Variants in PLCL2 observed in about 807,000 individuals in gnomAD.
PLCL2 encodes the protein inactive phospholipase C-like protein 2.
Under a neutral mutation model 79.6 loss-of-function variants are expected in PLCL2, and 4 were observed. That is an observed-to-expected ratio of 0.05 (90% confidence interval 0.02 to 0.11). The LOEUF is 0.11. Among genes scored for constraint, PLCL2 ranks in the 10% least tolerant of loss-of-function variants. PLCL2 has a pLI of 1.00. For synonymous variants in PLCL2, 484 were observed against 457.7 expected (o/e 1.06, Z -0.73); for missense variants, 895 against 1,291.0 (o/e 0.69, Z 4.70).
intron 1 of PLCL2, among the ~76,000 whole-genome samples, chr3:16,920,240 G>C (rs1488772070): frequency 1.3e-5 from 2 of 152,092 alleles, no homozygotes; most frequent in Non-Finnish European, 2.9e-5. Flanking sequence ...TTCTGGAACA[G>C]CCTCTTTAGA....
chr3:17,089,693 T>C (rs1237654624), intron 5 of PLCL2, 40 bp from the exon 6 acceptor site: 6 of 1,162,878 alleles, frequency 5.2e-6, no homozygotes, highest in Non-Finnish European at 6.3e-6. Context: ...CACTAAGTTA[T>C]GTCATATCTA....
At chr3:17,044,536 C>T (rs977454784) in intron 4 of PLCL2, among the ~76,000 whole-genome samples, 2 of 152,094 alleles carry the variant, frequency 1.3e-5, no homozygotes, top group African/African-American at 2.4e-5. Context: ...TAATGCATTC[C>T]ATCTTGTAAA....
intron 1 of PLCL2, among the ~76,000 whole-genome samples, chr3:16,973,502 A>G (rs1286658539): frequency 6.6e-6 from 1 of 152,202 alleles, no homozygotes; most frequent in African/African-American, 2.4e-5. Context: ...TAAACTACAT[A>G]AATTGCTAGA....
At position 17,010,335 on chromosome 3, in the gene PLCL2, A is replaced by C; in HGVS notation, c.989A>C (p.Glu330Ala). 2 of 1,614,078 alleles carry C rather than the reference A, an allele frequency of 1.2e-6. No individual in the cohort carries two copies. The highest frequency in any genetic ancestry group is 1.7e-6 in the Non-Finnish European group (2 of 1,180,010). The change falls in exon 2 of 6, where the codon GAA becomes GCA. Residue 330 changes from glutamate (E) to alanine (A), a missense_variant. This residue lies in a region of PLCL2 where 93 missense variants were observed against 93.2 expected (regional missense o/e 1.00). Coordinates refer to ENST00000615277, the MANE Select transcript of PLCL2 (RefSeq NM_001144382.2). The surrounding 1 kb of genome is among the most constrained non-coding windows in gnomAD (Gnocchi z 5.8). ...DKAGTEVTKE[E>A]FIEVFHELCT... ...GCTGGTACCGAGGTCACAAAGGAAG[A>C]ATTTATTGAGGTTTTTCATGAGCTT...
intron 1 of PLCL2, among the ~76,000 whole-genome samples, chr3:16,980,036 G>T (rs1382351272): frequency 2.8e-5 from 4 of 143,644 alleles, no homozygotes; most frequent in African/African-American, 5.2e-5. Context: ...TTCCCAGTAG[G>T]GGCGGCCGGG....
intron 3 of PLCL2, among the ~76,000 whole-genome samples, chr3:17,016,028 A>G (rs2064379950): frequency 6.6e-6 from 1 of 152,190 alleles, no homozygotes; most frequent in South Asian, 2.1e-4. Context: ...TTGACTAAAT[A>G]ATTTTGGGAA....
intron 1 of PLCL2, among the ~76,000 whole-genome samples, chr3:16,982,807 A>G (rs1323343817): frequency 6.6e-6 from 1 of 152,240 alleles, no homozygotes. Context: ...AAGGAAAAAA[A>G]AAGCTATATT....
chr3:17,007,179 C>T lies in PLCL2; in HGVS notation c.328-2495C>T, dbSNP rs189470053. On this transcript the variant is annotated intron_variant, in intron 1 of 5. Coordinates refer to ENST00000615277, the MANE Select transcript of PLCL2 (RefSeq NM_001144382.2). ...TTAAAAACTAAAGACATCGGTCAGG[C>T]GTGGTGGCTCACACCTGTAATCCTA... Among the ~76,000 whole-genome samples, 314 of 152,156 alleles carry T rather than the reference C, an allele frequency of 2.1e-3. 1 individual carries two copies. Among genetic ancestry groups the T allele is most frequent in the African/African-American group, 5.8e-3 (240 of 41,524 alleles).
intron 1 of PLCL2, among the ~76,000 whole-genome samples, chr3:16,969,879 T>C (rs1388938665): frequency 6.6e-6 from 1 of 151,894 alleles, no homozygotes; most frequent in African/African-American, 2.4e-5. Context: ...CGTTTATCTG[T>C]GTCCCAGAGA....
intron 4 of PLCL2, among the ~76,000 whole-genome samples, chr3:17,044,735 GA>G (rs1361095809): frequency 1.3e-5 from 2 of 151,852 alleles, no homozygotes; most frequent in African/African-American, 4.8e-5. Flanking sequence ...TGTGGAATTT[GA>G]AAAAAACTGT....
chr3:17,026,869 A>T (rs1458939063), intron 3 of PLCL2, among the ~76,000 whole-genome samples: 1 of 152,162 alleles, frequency 6.6e-6, no homozygotes, highest in Non-Finnish European at 1.5e-5. Flanking sequence ...CCTGTCTCAA[A>T]AAATAAATAA....
intron 1 of PLCL2, among the ~76,000 whole-genome samples, chr3:16,933,566 T>C (rs1288299510): frequency 6.6e-6 from 1 of 152,236 alleles, no homozygotes; most frequent in Non-Finnish European, 1.5e-5. Flanking sequence ...CATATATTCA[T>C]ATGCCTGCTT....
chr3:16,913,506 C>T (rs1323566652), intron 1 of PLCL2, among the ~76,000 whole-genome samples: 4 of 151,630 alleles, frequency 2.6e-5, no homozygotes, highest in South Asian at 2.1e-4. Context: ...AGTAAGCAAA[C>T]GAATTAATAT....
chr3:16,967,030 T>C (rs1057468896), intron 1 of PLCL2, among the ~76,000 whole-genome samples: 1 of 152,078 alleles, frequency 6.6e-6, no homozygotes, highest in South Asian at 2.1e-4. Context: ...AGTATTTGGT[T>C]TTCCTGCATT....
At chr3:16,951,456 A>G (rs1383622891) in intron 1 of PLCL2, among the ~76,000 whole-genome samples, 1 of 152,014 alleles carries the variant, frequency 6.6e-6, no homozygotes, top group Non-Finnish European at 1.5e-5. Flanking sequence ...TGTCTTTGAA[A>G]TCACCAGGTT....
chr3:17,004,290 A>G (rs557854275), intron 1 of PLCL2, among the ~76,000 whole-genome samples: 7 of 152,222 alleles, frequency 4.6e-5, no homozygotes, highest in Admixed American at 3.3e-4. Context: ...CCCCCACTTC[A>G]TGACTTTTTA....
At chr3:17,001,669 A>C (rs187580036) in intron 1 of PLCL2, among the ~76,000 whole-genome samples, 6 of 151,894 alleles carry the variant, frequency 4.0e-5, no homozygotes, top group Non-Finnish European at 7.4e-5. Context: ...CTGTAAATGC[A>C]TTGATTTATT....
At chr3:16,934,253 A>T (rs1286657616) in intron 1 of PLCL2, among the ~76,000 whole-genome samples, 1 of 152,188 alleles carries the variant, frequency 6.6e-6, no homozygotes, top group Non-Finnish European at 1.5e-5. Flanking sequence ...GGGTAAGTGC[A>T]GGATGCTGTG....
At chr3:16,893,039 T>C (rs969675125) in intron 1 of PLCL2, among the ~76,000 whole-genome samples, 2 of 152,234 alleles carry the variant, frequency 1.3e-5, no homozygotes, top group Non-Finnish European at 2.9e-5. Flanking sequence ...AATAGACAAC[T>C]AATTTTTAAT....
Sources: allele counts gnomAD v4.1 joint callset (sites outside exome capture counted in the v4.1 genomes callset), GRCh38; gene constraint gnomAD v4.1.1; regional missense constraint gnomAD v4.1.1; non-coding constraint Gnocchi (gnomAD v3.1); transcripts MANE v1.5; gene names NCBI Gene and HGNC (gene_info 2026-07-23, HGNC 2026-07-21).